Variants in NIPBL observed in about 807,000 individuals in gnomAD.
NIPBL encodes the protein NIPBL cohesin loading factor.
In NIPBL, 19 loss-of-function variants were observed where a neutral mutation model predicts 321.8. The ratio of observed to expected loss-of-function variants is 0.06; its 90% CI spans 0.04 to 0.09. The LOEUF is 0.09. Among genes scored for constraint, NIPBL ranks in the 10% least tolerant of loss-of-function variants. The pLI is 1.00. For synonymous variants in NIPBL, 1,106 were observed against 1,114.1 expected (o/e 0.99, Z 0.14); for missense variants, 2,210 against 3,327.0 (o/e 0.66, Z 8.26).
At chr5:36,925,349 A>G (rs185070939) in intron 1 of NIPBL, among the ~76,000 whole-genome samples, 199 of 150,562 alleles carry the variant, frequency 1.3e-3, no homozygotes, top group African/African-American at 4.4e-3. Flanking sequence ...GCGCACTGCA[A>G]CCTCCGCCTC....
chr5:36,880,832 C>A (rs912997915), intron 1 of NIPBL, among the ~76,000 whole-genome samples: 1 of 151,962 alleles, frequency 6.6e-6, no homozygotes, highest in Non-Finnish European at 1.5e-5. Flanking sequence ...TCTGATATCC[C>A]TGTGAGAGAA....
rs113265628 is a variant in NIPBL at position 36,916,608 on chromosome 5, G to A, written c.-79-37010G>A. Among the ~76,000 whole-genome samples, 21 of 151,904 alleles carry A rather than the reference G, an allele frequency of 1.4e-4. 1 individual carries two copies. Among genetic ancestry groups the A allele is most frequent in the African/African-American group, 5.1e-4 (21 of 41,410 alleles). On this transcript the variant is annotated intron_variant, in intron 1 of 46. Transcript: ENST00000282516. ...GTTGGTGTGCTGCACCCATTAACTCGTCATTTACATTAGGTATATCTCCTA... is the reference window on the plus strand; with the variant it reads ...GTTGGTGTGCTGCACCCATTAACTCATCATTTACATTAGGTATATCTCCTA...
chr5:36,889,035 A>C (rs1746125597), intron 1 of NIPBL, among the ~76,000 whole-genome samples: 1 of 152,160 alleles, frequency 6.6e-6, no homozygotes, highest in South Asian at 2.1e-4. Context: ...GGTGGCTTGC[A>C]CATAGTAAGC....
At position 37,016,760 on chromosome 5, in the gene NIPBL, A is replaced by G. The variant is rs555042757; in HGVS notation, c.4777-259A>G. On this transcript the variant is annotated intron_variant, in intron 23 of 46. Coordinates refer to ENST00000282516, the MANE Select transcript of NIPBL (RefSeq NM_133433.4). ...TACTCAGTAATACCACATTTTGTGCAAATAATACAGTTGAGCCTGCATATT... is the reference window on the plus strand; with the variant it reads ...TACTCAGTAATACCACATTTTGTGCGAATAATACAGTTGAGCCTGCATATT... Among the ~76,000 whole-genome samples the G allele has an allele frequency of 2.6e-4, 39 of 152,278 alleles. 1 individual carries two copies. Among genetic ancestry groups the G allele is most frequent in the Admixed American group, 2.3e-3 (35 of 15,294 alleles).
chr5:36,982,692 A>T (rs1744279724), intron 9 of NIPBL, among the ~76,000 whole-genome samples: 1 of 151,724 alleles, frequency 6.6e-6, no homozygotes. Context: ...TTTCATTTTA[A>T]TGTCTTTACG....
intron 1 of NIPBL, among the ~76,000 whole-genome samples, chr5:36,917,270 G>A (rs889124955): frequency 2.0e-5 from 3 of 152,152 alleles, no homozygotes; most frequent in Admixed American, 1.3e-4. Flanking sequence ...TCATGTGTCT[G>A]TTGGCTGCAT....
At chr5:36,944,324 A>G (rs1739430382) in intron 1 of NIPBL, among the ~76,000 whole-genome samples, 1 of 152,102 alleles carries the variant, frequency 6.6e-6, no homozygotes. Flanking sequence ...GATTTTTTGC[A>G]TCTCTTCCAC....
chr5:37,047,990 AT>A (rs201801084), intron 38 of NIPBL, among the ~76,000 whole-genome samples: 21 of 151,030 alleles, frequency 1.4e-4, no homozygotes, highest in African/African-American at 4.4e-4. Flanking sequence ...ATATATTTTA[AT>A]TTTTTTTTTA....
At chr5:36,995,914 T>A in intron 11 of NIPBL, 110 bp downstream of exon 11, 1 of 921,104 alleles carries the variant, frequency 1.1e-6, no homozygotes, top group Non-Finnish European at 1.7e-6. Flanking sequence ...CCTTAATTCT[T>A]AATAACACAG....
intron 16 of NIPBL, among the ~76,000 whole-genome samples, chr5:37,003,764 G>A (rs1747098820): frequency 6.6e-6 from 1 of 152,148 alleles, no homozygotes; most frequent in African/African-American, 2.4e-5. Context: ...ACATTCATTA[G>A]CATTGCTAGT....
At chr5:36,887,823 A>G (rs983980754) in intron 1 of NIPBL, among the ~76,000 whole-genome samples, 6 of 152,218 alleles carry the variant, frequency 3.9e-5, no homozygotes, top group African/African-American at 7.2e-5. Flanking sequence ...CATGAATAAC[A>G]GAAATTCCAT....
At chr5:36,912,002 A>G (rs181230599) in intron 1 of NIPBL, among the ~76,000 whole-genome samples, 3 of 152,168 alleles carry the variant, frequency 2.0e-5, no homozygotes, top group Admixed American at 1.3e-4. Context: ...CATTTGATCA[A>G]ATTCGTGTTT....
chr5:37,035,038 C>G (rs1751527812), intron 32 of NIPBL, among the ~76,000 whole-genome samples: 1 of 152,188 alleles, frequency 6.6e-6, no homozygotes, highest in Non-Finnish European at 1.5e-5. Context: ...GCCTATAATC[C>G]CAGCACTATG....
intron 23 of NIPBL, 32 bp downstream of exon 23, chr5:37,016,202 T>G: frequency 1.9e-6 from 3 of 1,601,224 alleles, no homozygotes; most frequent in Non-Finnish European, 2.6e-6. Context: ...ATTATTAGAT[T>G]ACTAGAAGAC....
At chr5:37,016,265 G>T in intron 23 of NIPBL, 95 bp downstream of exon 23, 1 of 1,254,112 alleles carries the variant, frequency 8.0e-7, no homozygotes, top group Non-Finnish European at 1.2e-6. Context: ...TTAAAAATGT[G>T]TAAGGAAATA....
intron 1 of NIPBL, among the ~76,000 whole-genome samples, chr5:36,949,284 A>C (rs1740017016): frequency 6.6e-6 from 1 of 151,838 alleles, no homozygotes; most frequent in Admixed American, 6.6e-5. Flanking sequence ...GAGTACATTG[A>C]TTGTGTATGC....
Position 36,996,066 on chromosome 5 carries a change from T to C in NIPBL, c.3304+262T>C, listed in dbSNP as rs1357476536. Among the ~76,000 whole-genome samples, 1 of 152,236 alleles carries C rather than the reference T, an allele frequency of 6.6e-6. No homozygotes were observed. Among genetic ancestry groups the C allele is most frequent in the Non-Finnish European group, 1.5e-5 (1 of 68,030 alleles). On this transcript the variant is annotated intron_variant, in intron 11 of 46. Coordinates refer to ENST00000282516, the MANE Select transcript of NIPBL (RefSeq NM_133433.4). The surrounding 1 kb of genome is among the most constrained non-coding windows in gnomAD (Gnocchi z 5.0). ...CTGTATGCATTCAGCAAACATTTAT[T>C]GAGCTCCTATTATATGCTAGACACT...
intron 6 of NIPBL, among the ~76,000 whole-genome samples, chr5:36,963,242 A>G (rs1741832329): frequency 6.6e-6 from 1 of 152,180 alleles, no homozygotes; most frequent in Non-Finnish European, 1.5e-5. Context: ...GGATAATATA[A>G]AAAACATCTT....
At chr5:36,955,396 T>A in intron 2 of NIPBL, 76 bp from the exon 3 acceptor site, 1 of 1,231,968 alleles carries the variant, frequency 8.1e-7, no homozygotes, top group Non-Finnish European at 1.2e-6. Context: ...TTACTTTTAA[T>A]CCCAAAATAC....
Sources: allele counts gnomAD v4.1 joint callset (sites outside exome capture counted in the v4.1 genomes callset), GRCh38; gene constraint gnomAD v4.1.1; non-coding constraint Gnocchi (gnomAD v3.1); transcripts MANE v1.5; gene names NCBI Gene and HGNC (gene_info 2026-07-23, HGNC 2026-07-21).